TSPAN14: variants seen among roughly 807,000 people sequenced by gnomAD.
TSPAN14 encodes tetraspanin 14.
In TSPAN14, 16 loss-of-function variants were observed where a neutral mutation model predicts 36.6. The ratio of observed to expected loss-of-function variants is 0.44; its 90% CI spans 0.30 to 0.66. The LOEUF (loss-of-function observed/expected upper bound fraction) is 0.66, where lower values mean the gene tolerates loss of function less well. Ranked by LOEUF, TSPAN14 falls within the 30% of genes least tolerant of loss-of-function variation. TSPAN14 has a pLI of 0.12. For synonymous variants in TSPAN14, 139 were observed against 143.8 expected (o/e 0.97, Z 0.24); for missense variants, 231 against 355.1 (o/e 0.65, Z 2.81).
Position 80,455,442 on chromosome 10 carries a change from C to T in TSPAN14, c.-18+1071C>T, listed in dbSNP as rs536187496. Among the ~76,000 whole-genome samples the T allele has an allele frequency of 4.8e-4, 73 of 152,194 alleles. 1 individual carries two copies. The highest frequency in any genetic ancestry group is 9.1e-4 in the Non-Finnish European group (62 of 67,996). ...GGTGTGCTCTTGGCAGTGGTCTGCT[C>T]TCCAGGGGATCTTCCTCCCTTCCGA... On this transcript the variant is annotated intron_variant, in intron 1 of 8. Coordinates refer to ENST00000429989, the Ensembl canonical transcript of TSPAN14.
At chr10:80,500,498 T>C (rs952831025) in intron 2 of TSPAN14, among the ~76,000 whole-genome samples, 17 of 151,846 alleles carry the variant, frequency 1.1e-4, no homozygotes, top group Non-Finnish European at 1.3e-4. Context: ...CTCGGCTAAT[T>C]TTTTATTTTT....
chr10:80,507,337 TG>T lies in TSPAN14; in HGVS notation c.247del (p.Ala83LeufsTer37). The T allele has an allele frequency of 6.2e-7, 1 of 1,614,124 alleles. No individual in the cohort carries two copies. The highest frequency in any genetic ancestry group is 8.5e-7 in the Non-Finnish European group (1 of 1,180,004). ...TTCACCCTGGGGTTCGCCGGCTGCG[TG>T]GGGGCTCTGCGGGAGAATATCTGCT... On this transcript the variant is annotated frameshift_variant, in exon 4 of 9. Transcript: ENST00000429989. LOFTEE classifies it high-confidence loss of function.
At chr10:80,517,368 G>A (rs776163636) in intron 8 of TSPAN14, among the ~76,000 whole-genome samples, 22 of 152,202 alleles carry the variant, frequency 1.4e-4, no homozygotes, top group Non-Finnish European at 2.9e-4. Context: ...CACCAAGTTC[G>A]TGTTCATCTG....
At chr10:80,465,584 G>A (rs371609821) in intron 1 of TSPAN14, among the ~76,000 whole-genome samples, 1 of 152,194 alleles carries the variant, frequency 6.6e-6, no homozygotes, top group East Asian at 1.9e-4. Flanking sequence ...GAAGCACAGA[G>A]TATCCCCTCT....
chr10:80,479,388 A>G (rs1383139931), intron 1 of TSPAN14, among the ~76,000 whole-genome samples: 1 of 151,980 alleles, frequency 6.6e-6, no homozygotes, highest in Non-Finnish European at 1.5e-5. Flanking sequence ...CCTGAATGGT[A>G]ATGCCTAGGT....
intron 7 of TSPAN14, among the ~76,000 whole-genome samples, chr10:80,514,887 A>T (rs1024919018): frequency 5.9e-5 from 9 of 152,160 alleles, no homozygotes; most frequent in African/African-American, 2.2e-4. Flanking sequence ...GTCCTTATGT[A>T]AGAGGCCCAG....
At chr10:80,476,604 A>T (rs1846924152) in intron 1 of TSPAN14, among the ~76,000 whole-genome samples, 1 of 151,700 alleles carries the variant, frequency 6.6e-6, no homozygotes, top group South Asian at 2.1e-4. Flanking sequence ...TTTAGTAGAG[A>T]TGGGGTTTTA....
chr10:80,481,688 C>T (rs370686855), intron 1 of TSPAN14, among the ~76,000 whole-genome samples: 6 of 152,200 alleles, frequency 3.9e-5, no homozygotes, highest in Admixed American at 3.3e-4. Context: ...CAAAATGGCG[C>T]GATCTCGGCT....
At chr10:80,469,287 T>A (rs1311891635) in intron 1 of TSPAN14, among the ~76,000 whole-genome samples, 2 of 152,218 alleles carry the variant, frequency 1.3e-5, no homozygotes, top group Non-Finnish European at 2.9e-5. Flanking sequence ...TTGTAAATAT[T>A]GTTTGCTTTT....
In TSPAN14 at chr10:80,513,896, G is replaced by A. The variant is rs745991384; in HGVS notation, c.577-123G>A. On this transcript the variant is annotated intron_variant, in intron 6 of 8. Transcript: ENST00000429989. The stretch of plus-strand genomic sequence containing the variant: ...GGATTAGTTGGTGGCATGATTGAAG[G>A]ACATGAGCTGTAATGGAATTTGCAC... 1.0e-5 allele frequency: 8 copies of A among 799,062 alleles called. No homozygotes were observed. In the East Asian group the frequency reaches 1.1e-4, roughly 11 times the overall value. The allele number at this position is 799,062 out of a possible 1,614,324, so 49.5% of individuals were successfully genotyped here.
At chr10:80,454,622 G>T (rs550294401) in intron 1 of TSPAN14, among the ~76,000 whole-genome samples, 86 of 152,082 alleles carry the variant, frequency 5.7e-4, no homozygotes, top group Middle Eastern at 3.4e-3. Context: ...CCGCGCGGAC[G>T]AGAGCCGCGG....
At chr10:80,462,342 G>A (rs746504300) in intron 1 of TSPAN14, among the ~76,000 whole-genome samples, 60 of 135,226 alleles carry the variant, frequency 4.4e-4, no homozygotes, top group Non-Finnish European at 8.4e-4. Flanking sequence ...GGCCTAGGGC[G>A]TAGGAATGGG....
chr10:80,465,115 G>A (rs1369822369), intron 1 of TSPAN14, among the ~76,000 whole-genome samples: 1 of 152,132 alleles, frequency 6.6e-6, no homozygotes, highest in Non-Finnish European at 1.5e-5. Context: ...GCTGGGCAAG[G>A]AGCAGGAGTG....
chr10:80,472,099 C>T (rs1207663398), intron 1 of TSPAN14, among the ~76,000 whole-genome samples: 1 of 152,092 alleles, frequency 6.6e-6, no homozygotes, highest in African/African-American at 2.4e-5. Flanking sequence ...GACGGTGCCA[C>T]TGCACTCCAG....
chr10:80,511,756 CTCTCTCTCTCT>C (rs1840657020), intron 5 of TSPAN14, among the ~76,000 whole-genome samples: 1 of 138,396 alleles, frequency 7.2e-6, no homozygotes, highest in Admixed American at 7.3e-5. Context: ...CTCTCTCTCT[CTCTCTCTCTCT>C]CTCTCCCCTT....
At chr10:80,517,553 G>A (rs2132070931) in intron 8 of TSPAN14, among the ~76,000 whole-genome samples, 1 of 152,346 alleles carries the variant, frequency 6.6e-6, no homozygotes, top group East Asian at 1.9e-4. Flanking sequence ...GAACCAGTCA[G>A]CGTGACCCTG....
chr10:80,511,742 CTCTCTCTCTCTCTCTCTCTCTCTCTCTCT>C (rs1840650645), intron 5 of TSPAN14, among the ~76,000 whole-genome samples: 1 of 147,894 alleles, frequency 6.8e-6, no homozygotes, highest in Admixed American at 6.7e-5. Context: ...CTCTCTCTCT[CTCTCTCTCTCTCTCTCTCTCTCTCTCTCT>C]CCCCTTTTTT....
intron 2 of TSPAN14, among the ~76,000 whole-genome samples, chr10:80,494,332 G>A (rs1338550248): frequency 2.6e-5 from 4 of 152,184 alleles, no homozygotes; most frequent in Non-Finnish European, 5.9e-5. Flanking sequence ...CCTGTGAGTA[G>A]GGCGAACATG....
intron 1 of TSPAN14, among the ~76,000 whole-genome samples, chr10:80,464,054 C>T (rs983409705): frequency 7.9e-5 from 12 of 152,144 alleles, no homozygotes; most frequent in Admixed American, 2.0e-4. Context: ...TGTAGGGAGG[C>T]GGGGAGCAGG....
Sources: allele counts gnomAD v4.1 joint callset (sites outside exome capture counted in the v4.1 genomes callset), GRCh38; gene constraint gnomAD v4.1.1; transcripts MANE v1.5; gene names NCBI Gene and HGNC (gene_info 2026-07-23, HGNC 2026-07-21).